SLC22A4: variants seen among roughly 807,000 people sequenced by gnomAD.
SLC22A4 encodes the protein ET transporter.
Under a neutral mutation model 56.6 loss-of-function variants are expected in SLC22A4, and 39 were observed. The ratio of observed to expected loss-of-function variants is 0.69; its 90% confidence interval spans 0.53 to 0.90. The LOEUF (loss-of-function observed/expected upper bound fraction) is 0.90. Ranked by LOEUF, SLC22A4 falls within the 40% of genes least tolerant of loss-of-function variation. The pLI, the probability that SLC22A4 is intolerant of heterozygous loss-of-function variation, is 0.00. For missense variants in SLC22A4, 594 were observed against 696.5 expected (o/e 0.85, Z 1.66); for synonymous variants, 241 against 281.4 (o/e 0.86, Z 1.44).
chr5:132,294,667 C>T lies in SLC22A4; in HGVS notation c.51C>T (p.Phe17=), dbSNP rs750031077. 28 of 1,614,076 alleles carry T rather than the reference C, an allele frequency of 1.7e-5. No individual in the cohort carries two copies. In the South Asian group the frequency reaches 3.0e-4, roughly 17 times the overall value. The change falls in exon 1 of 10, where the codon TTC becomes TTT. Residue 17 remains phenylalanine, a synonymous_variant. Coordinates refer to ENST00000200652, the MANE Select transcript of SLC22A4 (RefSeq NM_003059.3). The surrounding 1 kb of genome is among the most constrained non-coding windows in gnomAD (Gnocchi z 5.6). ...VIAFLGEWGP[F]QRLIFFLLSA... is the part of the protein sequence containing the mutation. ...CCTTCCTGGGCGAGTGGGGGCCCTTCCAGCGCCTCATCTTCTTCCTGCTCA... is the reference window on the plus strand; with the variant it reads ...CCTTCCTGGGCGAGTGGGGGCCCTTTCAGCGCCTCATCTTCTTCCTGCTCA...
chr5:132,300,755 C>G (rs932421648), intron 1 of SLC22A4, among the ~76,000 whole-genome samples: 14 of 152,106 alleles, frequency 9.2e-5, no homozygotes, highest in Non-Finnish European at 1.6e-4. Flanking sequence ...CTGTGTTTAC[C>G]CCTGCGGGAG....
intron 1 of SLC22A4, among the ~76,000 whole-genome samples, chr5:132,309,628 A>G (rs1414832988): frequency 6.6e-6 from 1 of 152,266 alleles, no homozygotes; most frequent in Non-Finnish European, 1.5e-5. Context: ...ATCCCCTGCC[A>G]GGGCCAGCTT....
chr5:132,304,643 G>T (rs1323119757), intron 1 of SLC22A4, among the ~76,000 whole-genome samples: 1 of 152,096 alleles, frequency 6.6e-6, no homozygotes, highest in Non-Finnish European at 1.5e-5. Flanking sequence ...AAAGATCAGG[G>T]AAATGGGGGT....
chr5:132,313,489 A>T (rs1750242193), intron 2 of SLC22A4, 125 bp from the exon 3 acceptor site: 1 of 842,016 alleles, frequency 1.2e-6, no homozygotes, highest in South Asian at 1.3e-5. Flanking sequence ...GGAGGATGTG[A>T]CAGAGAAAAA....
chr5:132,329,637 T>A (rs1750799544), intron 5 of SLC22A4, among the ~76,000 whole-genome samples: 1 of 152,176 alleles, frequency 6.6e-6, no homozygotes, highest in South Asian at 2.1e-4. Context: ...GGCAGTAGCA[T>A]TAACTTGGAT....
intron 8 of SLC22A4, among the ~76,000 whole-genome samples, chr5:132,339,874 C>T (rs1751152250): frequency 6.6e-6 from 1 of 152,132 alleles, no homozygotes; most frequent in South Asian, 2.1e-4. Flanking sequence ...TGTATGTATA[C>T]AGGGGCAAAG....
chr5:132,327,492 C>A, intron 5 of SLC22A4, 89 bp downstream of exon 5: 1 of 1,105,568 alleles, frequency 9.0e-7, no homozygotes, highest in Non-Finnish European at 1.4e-6. Context: ...GTTAAGTGCC[C>A]ACTATGTACC....
rs1459227779 is a variant in SLC22A4, at chr5:132,327,338, A to G, written c.886A>G (p.Ile296Val). The G allele has an allele frequency of 4.4e-6, 7 of 1,608,828 alleles. No homozygotes were observed. The East Asian group carries it at 8.9e-5, about 20-fold the overall frequency. The change falls in exon 5 of 10, where the codon ATC (isoleucine) becomes GTC (valine). Residue 296 changes from isoleucine to valine, a missense_variant. By Grantham distance (29) the Ile-to-Val change is conservative (BLOSUM62 3). Transcript: ENST00000200652. ...SQRRFREAED[I>V]IQKAAKMNNI... ...GAGAAGATTTAGAGAGGCTGAAGATATCATCCAAAAAGCTGCAAAAATGAA... is the reference window on the plus strand; with the variant it reads ...GAGAAGATTTAGAGAGGCTGAAGATGTCATCCAAAAAGCTGCAAAAATGAA...
At chr5:132,336,119 C>A in intron 8 of SLC22A4, 119 bp downstream of exon 8, 1 of 1,019,970 alleles carries the variant, frequency 9.8e-7, no homozygotes, top group South Asian at 1.4e-5. Flanking sequence ...ACAAGTTCAC[C>A]TCTCCTCTCC....
intron 8 of SLC22A4, among the ~76,000 whole-genome samples, chr5:132,338,077 G>T (rs1751081581): frequency 6.6e-6 from 1 of 151,946 alleles, no homozygotes; most frequent in Admixed American, 6.6e-5. Context: ...TGTATATCGG[G>T]CAAAATTCAG....
At chr5:132,313,526 TA>T in intron 2 of SLC22A4, 87 bp from the exon 3 acceptor site, 1 of 1,229,654 alleles carries the variant, frequency 8.1e-7, no homozygotes, top group Non-Finnish European at 1.2e-6. Flanking sequence ...GAAAAAACAC[TA>T]AGTCTGCATT....
In SLC22A4 at chr5:132,328,276, C is replaced by T. The variant is rs547881971; in HGVS notation, c.951+873C>T. The stretch of plus-strand genomic sequence containing the variant: ...TCTAGGAGATAGGTAGGAGTCTGCT[C>T]AGGACACCTAAAAAAGACTGTGGTG... On this transcript the variant is annotated intron_variant, in intron 5 of 9. Coordinates refer to ENST00000200652, the MANE Select transcript of SLC22A4 (RefSeq NM_003059.3). Among the ~76,000 whole-genome samples the T allele has an allele frequency of 3.3e-5, 5 of 152,178 alleles. No homozygotes were observed. In the South Asian group the frequency reaches 1.0e-3, roughly 32 times the overall value.
chr5:132,316,964 G>A (rs1002531210), intron 3 of SLC22A4, among the ~76,000 whole-genome samples: 9 of 152,212 alleles, frequency 5.9e-5, no homozygotes, highest in Non-Finnish European at 1.2e-4. Flanking sequence ...CAAAGTGCCA[G>A]CAGGGTTGGT....
intron 4 of SLC22A4, among the ~76,000 whole-genome samples, chr5:132,324,012 G>C (rs999263959): frequency 1.3e-5 from 2 of 152,010 alleles, no homozygotes; most frequent in Admixed American, 1.3e-4. Flanking sequence ...GGGCAACATG[G>C]CAAAACCCTG....
At chr5:132,296,108 C>T (rs1561532292) in intron 1 of SLC22A4, among the ~76,000 whole-genome samples, 1 of 152,088 alleles carries the variant, frequency 6.6e-6, no homozygotes, top group African/African-American at 2.4e-5. Flanking sequence ...TGCTATGTGA[C>T]CTGGGATAAA....
intron 3 of SLC22A4, among the ~76,000 whole-genome samples, chr5:132,316,111 G>A (rs1750348004): frequency 6.6e-6 from 1 of 152,166 alleles, no homozygotes; most frequent in South Asian, 2.1e-4. Context: ...AGGTGCCTTC[G>A]CTTCCACCCT....
Position 132,324,876 on chromosome 5 carries a change from A to G in SLC22A4, c.825-2401A>G, listed in dbSNP as rs1750646433. 2.0e-5 allele frequency among the ~76,000 whole-genome samples: 3 copies of G among 152,250 alleles called. No homozygotes were observed. The South Asian group carries it at 6.2e-4, about 32-fold the overall frequency. On this transcript the variant is annotated intron_variant, in intron 4 of 9. Coordinates refer to ENST00000200652, the MANE Select transcript of SLC22A4 (RefSeq NM_003059.3). ...TTGAGATTATGTGCACCAAAAAAAA[A>G]TCAAAGCAATTCAAAACTAGAGATA...
intron 3 of SLC22A4, among the ~76,000 whole-genome samples, chr5:132,316,860 C>T (rs938838978): frequency 1.3e-5 from 2 of 152,120 alleles, no homozygotes; most frequent in Non-Finnish European, 2.9e-5. Context: ...TTTGTCTTCG[C>T]CTGTTTAGGA....
At chr5:132,298,556 G>A (rs969467807) in intron 1 of SLC22A4, among the ~76,000 whole-genome samples, 2 of 152,220 alleles carry the variant, frequency 1.3e-5, no homozygotes, top group African/African-American at 4.8e-5. Context: ...CAGTGTGAAC[G>A]CTTCTGAACT....
Sources: gnomAD v4.1 joint callset for allele counts (sites outside exome capture counted in the v4.1 genomes callset) on GRCh38, gnomAD v4.1.1 for gene constraint, Gnocchi (gnomAD v3.1) non-coding constraint, MANE v1.5 for transcripts, NCBI Gene and HGNC (gene_info 2026-07-23, HGNC 2026-07-21) for gene names.